Variants in ARHGEF18 observed in about 807,000 individuals in gnomAD.
ARHGEF18 encodes rho guanine nucleotide exchange factor 18.
Under a neutral mutation model 155.7 loss-of-function variants are expected in ARHGEF18, and 93 were observed. That is an observed-to-expected ratio of 0.60 (90% confidence interval 0.50 to 0.71). ARHGEF18 has a LOEUF of 0.71. Among genes scored for constraint, ARHGEF18 ranks in the 30% least tolerant of loss-of-function variants. The pLI, the probability that ARHGEF18 is intolerant of heterozygous loss-of-function variation, is 0.00. For missense variants in ARHGEF18, 1,593 were observed against 1,816.1 expected (o/e 0.88, Z 2.23); for synonymous variants, 742 against 753.1 (o/e 0.99, Z 0.24).
chr19:7,404,426 C>T (rs1424312030), intron 10 of ARHGEF18, among the ~76,000 whole-genome samples: 2 of 150,284 alleles, frequency 1.3e-5, no homozygotes, highest in East Asian at 2.0e-4. Context: ...AGCAAACCCG[C>T]TCTGTGAGGC....
chr19:7,380,817 A>T, intron 7 of ARHGEF18, 100 bp from the exon 8 acceptor site: 1 of 713,114 alleles, frequency 1.4e-6, no homozygotes, highest in Non-Finnish European at 1.9e-6. Context: ...GTGGGCTCTT[A>T]GACGGGGTAC....
In ARHGEF18 at chr19:7,461,914, A is replaced by G. The variant is rs1976290287; in HGVS notation, c.2453-238A>G. Among the ~76,000 whole-genome samples the G allele has an allele frequency of 6.6e-6, 1 of 152,128 alleles. No homozygotes were observed. The highest frequency in any genetic ancestry group is 2.4e-5 in the African/African-American group (1 of 41,428). ...GAGTCCTCCTACCTTGGCTTCCCTA[A>G]GTACTGGGATCGCAGGCCTGAGCCA... On this transcript the variant is annotated intron_variant, in intron 20 of 28. Transcript: ENST00000668164.
chr19:7,355,813 C>T, intron 1 of ARHGEF18: 1 of 583,534 alleles, frequency 1.7e-6, no homozygotes, highest in Non-Finnish European at 2.2e-6. Flanking sequence ...ACAGACTCTG[C>T]TGGCATCGGC....
intron 10 of ARHGEF18, among the ~76,000 whole-genome samples, chr19:7,409,532 A>G (rs6603143): frequency 1.3e-5 from 2 of 148,726 alleles, no homozygotes; most frequent in Non-Finnish European, 3.0e-5. Context: ...AGTTCAAGCT[A>G]TTCTCCTGCC....
chr19:7,403,076 C>A (rs888763645), intron 10 of ARHGEF18, among the ~76,000 whole-genome samples: 1 of 152,174 alleles, frequency 6.6e-6, no homozygotes, highest in Non-Finnish European at 1.5e-5. Context: ...TACAGTGGCG[C>A]GATCTCGGCT....
intron 10 of ARHGEF18, among the ~76,000 whole-genome samples, chr19:7,419,359 G>A (rs1359010772): frequency 6.8e-6 from 1 of 146,860 alleles, no homozygotes; most frequent in African/African-American, 2.5e-5. Context: ...CACCCCAGAT[G>A]CGCCCACACT....
intron 10 of ARHGEF18, among the ~76,000 whole-genome samples, chr19:7,411,005 G>C (rs1972643411): frequency 6.6e-6 from 1 of 151,864 alleles, no homozygotes; most frequent in East Asian, 1.9e-4. Context: ...TACTCACAAG[G>C]CAGATGCTTT....
rs776839774 is a variant in ARHGEF18, at chr19:7,367,746, C to CAAAAAAAAAAAAA, written c.15+4842_15+4854dup. On this transcript the variant is annotated intron_variant, in intron 2 of 28. Transcript: ENST00000668164. ...AGGCAACAAGAGTGAAACTCCATCT[C>CAAAAAAAAAAAAA]AAAAAAAAAAAAATATATATATATA... Among the ~76,000 whole-genome samples, 6 of 36,348 alleles carry CAAAAAAAAAAAAA rather than the reference C, an allele frequency of 1.7e-4. 2 individuals are homozygous for CAAAAAAAAAAAAA. Among genetic ancestry groups the CAAAAAAAAAAAAA allele is most frequent in the African/African-American group, 9.7e-4 (6 of 6,212 alleles). 23.8% of individuals were successfully genotyped at this position (36,348 alleles called of 152,430 possible). A position where few individuals can be genotyped will look rare whatever the true frequency, so the allele number is the denominator to read the frequency against.
At chr19:7,456,690 A>C (rs1975848662) in intron 18 of ARHGEF18, among the ~76,000 whole-genome samples, 1 of 152,160 alleles carries the variant, frequency 6.6e-6, no homozygotes, top group Non-Finnish European at 1.5e-5. Flanking sequence ...GCTCTCCAGC[A>C]AGACTGCGCC....
chr19:7,457,278 CCT>C (rs1203538235), intron 18 of ARHGEF18, among the ~76,000 whole-genome samples: 1 of 151,568 alleles, frequency 6.6e-6, no homozygotes, highest in Non-Finnish European at 1.5e-5. Context: ...GTGCTAATCT[CCT>C]CTTGTTAGAA....
chr19:7,450,903 T>C (rs1418490323), intron 15 of ARHGEF18, among the ~76,000 whole-genome samples: 11 of 115,784 alleles, frequency 9.5e-5, no homozygotes, highest in Non-Finnish European at 2.0e-4. Flanking sequence ...TTGCTGTACC[T>C]TTCTGAGATG....
intron 10 of ARHGEF18, among the ~76,000 whole-genome samples, chr19:7,399,503 A>G (rs908066600): frequency 4.7e-5 from 7 of 148,824 alleles, no homozygotes; most frequent in African/African-American, 1.7e-4. Context: ...TTTTTTTGAG[A>G]CAGAGTTTTG....
intron 15 of ARHGEF18, among the ~76,000 whole-genome samples, chr19:7,448,307 A>C (rs1172487182): frequency 6.6e-6 from 1 of 152,080 alleles, no homozygotes; most frequent in Non-Finnish European, 1.5e-5. Flanking sequence ...CTGAGGTCAG[A>C]AGTTCAGTAC....
chr19:7,407,945 G>C (rs193280180), intron 10 of ARHGEF18, among the ~76,000 whole-genome samples: 1,107 of 109,346 alleles, frequency 0.01, 17 homozygotes, highest in African/African-American at 0.043. Context: ...CTGGGCAACA[G>C]AGCGAGACTC....
chr19:7,408,906 C>T (rs368192887), intron 10 of ARHGEF18, among the ~76,000 whole-genome samples: 5 of 151,888 alleles, frequency 3.3e-5, no homozygotes, highest in East Asian at 2.0e-4. Flanking sequence ...CTTACACACG[C>T]GTGGTGACTA....
chr19:7,362,688 C>G, intron 1 of ARHGEF18, 93 bp from the exon 2 acceptor site: 1 of 1,166,982 alleles, frequency 8.6e-7, no homozygotes, highest in Non-Finnish European at 1.1e-6. Context: ...AAACTGAGGT[C>G]CAGGGTGACC....
intron 10 of ARHGEF18, among the ~76,000 whole-genome samples, chr19:7,418,251 G>GT (rs562852150): frequency 2.3e-3 from 352 of 152,014 alleles, no homozygotes; most frequent in African/African-American, 8.2e-3. Context: ...TGTTTGTGGG[G>GT]TTTTTTTGTT....
chr19:7,452,435 AGGAGGT>A (rs756185646), intron 16 of ARHGEF18, among the ~76,000 whole-genome samples: 2 of 152,164 alleles, frequency 1.3e-5, no homozygotes, highest in Non-Finnish European at 2.9e-5. Flanking sequence ...CAGTCACAAC[AGGAGGT>A]GGAGGGAATC....
intron 7 of ARHGEF18, among the ~76,000 whole-genome samples, chr19:7,380,276 A>G (rs762520162): frequency 2.0e-5 from 3 of 151,988 alleles, no homozygotes; most frequent in African/African-American, 2.4e-5. Flanking sequence ...CAGGAGATCG[A>G]GACCATCCTG....
Sources: gnomAD v4.1 joint callset for allele counts (sites outside exome capture counted in the v4.1 genomes callset) on GRCh38, gnomAD v4.1.1 for gene constraint, MANE v1.5 for transcripts, NCBI Gene and HGNC (gene_info 2026-07-23, HGNC 2026-07-21) for gene names.